The following ANKH variants were observed in gnomAD, a reference collection of about 807,000 sequenced individuals.
ANKH encodes the protein mineralization regulator ANKH.
A neutral mutation model predicts 49.0 loss-of-function variants in ANKH; 15 were observed. The ratio of observed to expected loss-of-function variants is 0.31; its 90% CI spans 0.20 to 0.47. The LOEUF is 0.47. Ranked by LOEUF, ANKH falls within the 20% of genes least tolerant of loss-of-function variation. ANKH has a pLI of 1.00. For missense variants in ANKH, 429 were observed against 652.0 expected (o/e 0.66, Z 3.72); for synonymous variants, 273 against 260.0 (o/e 1.05, Z -0.48).
rs931532664 is a variant in ANKH, at chr5:14,710,318, T to G, written c.*879A>C. The G allele has an allele frequency of 6.6e-6, 1 of 152,220 alleles. No individual in the cohort carries two copies. Among genetic ancestry groups the G allele is most frequent in the Non-Finnish European group, 1.5e-5 (1 of 68,046 alleles). The allele number at this position is 152,220 out of a possible 1,614,324, so 9.4% of individuals were successfully genotyped here. On this transcript the variant is annotated 3_prime_UTR_variant, in exon 12 of 12. Coordinates refer to ENST00000284268, the MANE Select transcript of ANKH (RefSeq NM_054027.6). ...AGTTAGGATGCTCCATGTGACTCGC[T>G]CTAATGCGACCTTCAGGAAAGGCGA...
intron 9 of ANKH, 144 bp downstream of exon 9, chr5:14,716,562 T>C (rs1223011255): frequency 5.1e-6 from 5 of 978,662 alleles, no homozygotes; most frequent in African/African-American, 1.6e-5. Flanking sequence ...ACTTTTAACC[T>C]ACTGGCTAAT....
chr5:14,727,374 A>C (rs1005346235), intron 8 of ANKH, among the ~76,000 whole-genome samples: 2 of 152,026 alleles, frequency 1.3e-5, no homozygotes, highest in Non-Finnish European at 2.9e-5. Flanking sequence ...TTTTTGAAGA[A>C]TATGAAAACT....
At chr5:14,812,207 G>A (rs865860659) in intron 1 of ANKH, among the ~76,000 whole-genome samples, 2 of 149,626 alleles carry the variant, frequency 1.3e-5, no homozygotes, top group Admixed American at 1.3e-4. Flanking sequence ...AAGGGTTAAT[G>A]CTTTCTCAAA....
chr5:14,734,226 C>T (rs1385360861), intron 8 of ANKH, among the ~76,000 whole-genome samples: 2 of 152,018 alleles, frequency 1.3e-5, no homozygotes, highest in East Asian at 3.9e-4. Context: ...CCTGCTCTGC[C>T]GTAATCATTT....
chr5:14,741,092 T>C (rs1364463360), intron 8 of ANKH, among the ~76,000 whole-genome samples: 2 of 152,180 alleles, frequency 1.3e-5, no homozygotes, highest in African/African-American at 4.8e-5. Flanking sequence ...AAACGGTAAG[T>C]TTTTTGCCAC....
At chr5:14,749,517 C>G (rs958724552) in intron 5 of ANKH, among the ~76,000 whole-genome samples, 3 of 152,220 alleles carry the variant, frequency 2.0e-5, no homozygotes, top group Admixed American at 6.5e-5. Context: ...AGCTGGCAAG[C>G]TGCTGTGAAA....
chr5:14,806,204 T>G (rs1481253306), intron 1 of ANKH, among the ~76,000 whole-genome samples: 2 of 152,144 alleles, frequency 1.3e-5, no homozygotes, highest in East Asian at 3.9e-4. Context: ...AGCAAAAACA[T>G]TAATCAGTTA....
intron 2 of ANKH, among the ~76,000 whole-genome samples, chr5:14,767,065 A>C (rs2126508504): frequency 6.6e-6 from 1 of 152,310 alleles, no homozygotes; most frequent in Non-Finnish European, 1.5e-5. Context: ...TTGGAAGGGC[A>C]ACGTTCAATG....
chr5:14,719,956 A>T (rs1580004926), intron 8 of ANKH, among the ~76,000 whole-genome samples: 1 of 152,254 alleles, frequency 6.6e-6, no homozygotes, highest in Non-Finnish European at 1.5e-5. Context: ...TTAAAATGCA[A>T]GTGATTCTTC....
intron 1 of ANKH, among the ~76,000 whole-genome samples, chr5:14,788,628 T>C (rs75862427): frequency 1.3e-5 from 2 of 152,196 alleles, no homozygotes; most frequent in African/African-American, 4.8e-5. Context: ...TTAGGCACTT[T>C]CGTATGACAA....
chr5:14,775,470 T>A (rs1048683601), intron 1 of ANKH, among the ~76,000 whole-genome samples: 3 of 152,206 alleles, frequency 2.0e-5, no homozygotes, highest in African/African-American at 7.2e-5. Context: ...TGCACAATTT[T>A]CAGACTGTGA....
chr5:14,733,249 G>A (rs549882149), intron 8 of ANKH, among the ~76,000 whole-genome samples: 8 of 152,212 alleles, frequency 5.3e-5, no homozygotes, highest in African/African-American at 1.9e-4. Context: ...GCCTTGTACT[G>A]GGCTCAGAAG....
At chr5:14,851,002 GGTT>G (rs1205673875) in intron 1 of ANKH, among the ~76,000 whole-genome samples, 2 of 152,076 alleles carry the variant, frequency 1.3e-5, no homozygotes, top group Admixed American at 6.6e-5. Context: ...ATGTTATGAA[GGTT>G]TAAGGAGGAA....
intron 6 of ANKH, 51 bp downstream of exon 6, chr5:14,749,121 C>G: frequency 6.2e-7 from 1 of 1,613,196 alleles, no homozygotes; most frequent in Admixed American, 1.7e-5. Context: ...TCAGCACCCC[C>G]CTGCCCCACC....
chr5:14,854,763 A>G (rs780795224), intron 1 of ANKH, among the ~76,000 whole-genome samples: 6 of 152,092 alleles, frequency 3.9e-5, no homozygotes, highest in Non-Finnish European at 7.4e-5. Context: ...GATCAGAGCC[A>G]GGTCCATTTG....
chr5:14,835,548 C>T (rs532737243), intron 1 of ANKH, among the ~76,000 whole-genome samples: 2 of 152,170 alleles, frequency 1.3e-5, no homozygotes, highest in Non-Finnish European at 2.9e-5. Flanking sequence ...CCCAGAAACT[C>T]TGATGCTGGG....
intron 1 of ANKH, among the ~76,000 whole-genome samples, chr5:14,844,739 C>A (rs1288757675): frequency 6.6e-6 from 1 of 152,202 alleles, no homozygotes; most frequent in Non-Finnish European, 1.5e-5. Context: ...ATTTGCTTGG[C>A]AGCACACTCC....
intron 1 of ANKH, among the ~76,000 whole-genome samples, chr5:14,827,383 G>A (rs932799197): frequency 3.3e-5 from 5 of 152,236 alleles, no homozygotes; most frequent in African/African-American, 1.2e-4. Context: ...GGGGCTGGAT[G>A]CAAATAGCAG....
At chr5:14,727,334 AAC>A (rs1429644325) in intron 8 of ANKH, among the ~76,000 whole-genome samples, 2 of 152,122 alleles carry the variant, frequency 1.3e-5, no homozygotes, top group Non-Finnish European at 2.9e-5. Context: ...GTAAAAAATC[AAC>A]ACTTTCAGAT....
Sources: allele counts gnomAD v4.1 joint callset (sites outside exome capture counted in the v4.1 genomes callset), GRCh38; gene constraint gnomAD v4.1.1; transcripts MANE v1.5; gene names NCBI Gene and HGNC (gene_info 2026-07-23, HGNC 2026-07-21).